Variants in SPATS2 observed in about 807,000 individuals in gnomAD.
SPATS2 encodes spermatogenesis-associated serine-rich protein 2.
SPATS2 carries 38 observed loss-of-function variants against 63.7 expected under a neutral mutation model. The observed-to-expected ratio is 0.60, with a 90% CI of 0.46 to 0.78. The LOEUF is 0.78. Among genes scored for constraint, SPATS2 ranks in the 30% least tolerant of loss-of-function variants. The pLI, the probability that SPATS2 is intolerant of heterozygous loss-of-function variation, is 0.00. For missense variants in SPATS2, 588 were observed against 666.2 expected (o/e 0.88, Z 1.29); for synonymous variants, 207 against 232.9 (o/e 0.89, Z 1.01).
chr12:49,515,705 A>G (rs997870104), intron 10 of SPATS2, among the ~76,000 whole-genome samples: 2 of 152,158 alleles, frequency 1.3e-5, no homozygotes, highest in African/African-American at 4.8e-5. Context: ...CTAAGAAGAC[A>G]TATTTCTTAG....
At chr12:49,398,433 T>C (rs931220999) in intron 2 of SPATS2, among the ~76,000 whole-genome samples, 1 of 152,008 alleles carries the variant, frequency 6.6e-6, no homozygotes, top group Non-Finnish European at 1.5e-5. Context: ...GAAGTCCTAA[T>C]AGAAGGAAGG....
chr12:49,463,801 T>C (rs1461147590), intron 3 of SPATS2, among the ~76,000 whole-genome samples: 4 of 152,244 alleles, frequency 2.6e-5, no homozygotes, highest in Non-Finnish European at 5.9e-5. Flanking sequence ...TATTCAGCAA[T>C]AGACCATGTT....
At chr12:49,486,885 TAGG>T (rs1010345213) in intron 4 of SPATS2, among the ~76,000 whole-genome samples, 3 of 152,086 alleles carry the variant, frequency 2.0e-5, no homozygotes, top group East Asian at 1.9e-4. Flanking sequence ...TGGATGAAAC[TAGG>T]AGATTTTTTT....
At chr12:49,451,952 T>G (rs1440645905) in intron 2 of SPATS2, among the ~76,000 whole-genome samples, 1 of 152,248 alleles carries the variant, frequency 6.6e-6, no homozygotes, top group Non-Finnish European at 1.5e-5. Flanking sequence ...CTTCTTTTGC[T>G]TCTGATGAGA....
At chr12:49,496,747 A>G in intron 7 of SPATS2, 86 bp from the exon 8 acceptor site, 1 of 1,420,572 alleles carries the variant, frequency 7.0e-7, no homozygotes, top group Non-Finnish European at 9.6e-7. Flanking sequence ...TGCCTCAAAC[A>G]TTTTTACCTG....
At chr12:49,406,902 G>A (rs998965814) in intron 2 of SPATS2, among the ~76,000 whole-genome samples, 2 of 152,098 alleles carry the variant, frequency 1.3e-5, no homozygotes, top group Admixed American at 6.6e-5. Context: ...CAATCATAAT[G>A]TAAAATAATA....
At chr12:49,450,393 G>A (rs957351950) in intron 2 of SPATS2, among the ~76,000 whole-genome samples, 1 of 152,040 alleles carries the variant, frequency 6.6e-6, no homozygotes, top group Non-Finnish European at 1.5e-5. Context: ...ACAGGCGCCC[G>A]ACACCATGCC....
At chr12:49,395,157 T>A (rs1421174665) in intron 2 of SPATS2, among the ~76,000 whole-genome samples, 1 of 152,034 alleles carries the variant, frequency 6.6e-6, no homozygotes, top group Admixed American at 6.5e-5. Context: ...AAAATTTTTT[T>A]AATTTAAAGT....
Position 49,496,911 on chromosome 12 carries a change from C to G in SPATS2, c.605C>G (p.Pro202Arg), listed in dbSNP as rs191343457. ...CACTCTATTCACAATTCTCAACAAC[C>G]CAGGAATGCTGCCAAATCTCTCTCA... ...TMHSIHNSQQ[P>R]RNAAKSLSRP... The change falls in exon 8 of 14, where the codon CCC becomes CGC. Residue 202 changes from proline (P) to arginine (R), a missense_variant. Physicochemically the swap from Pro to Arg is moderately radical, Grantham distance 103 (BLOSUM62 -2). Transcript: ENST00000552918. 76 of 1,613,288 alleles carry G rather than the reference C, an allele frequency of 4.7e-5. 1 individual carries two copies. The East Asian group carries it at 1.6e-3, about 34-fold the overall frequency.
chr12:49,403,585 G>A (rs955398511), intron 2 of SPATS2, among the ~76,000 whole-genome samples: 1 of 141,008 alleles, frequency 7.1e-6, no homozygotes, highest in African/African-American at 2.6e-5. Context: ...CCGAGATCAT[G>A]CCACTGTCTA....
At chr12:49,367,138 C>A (rs1402996898), upstream of SPATS2, 2 of 157,826 alleles carry the variant, frequency 1.3e-5, no homozygotes, top group Admixed American at 6.5e-5. Context: ...CGCCCCGCGC[C>A]TCTCCCCGAT....
intron 2 of SPATS2, among the ~76,000 whole-genome samples, chr12:49,391,144 A>T (rs1459514956): frequency 1.3e-5 from 2 of 152,238 alleles, no homozygotes; most frequent in Non-Finnish European, 2.9e-5. Context: ...TTTTTCTTAA[A>T]ACCTTTCAGC....
intron 2 of SPATS2, among the ~76,000 whole-genome samples, chr12:49,443,298 G>T (rs1945456149): frequency 6.6e-6 from 1 of 152,072 alleles, no homozygotes; most frequent in Non-Finnish European, 1.5e-5. Context: ...TTTGTATGTG[G>T]ATATTCAGTT....
chr12:49,498,145 A>AATATATATATATATATATATATAT (rs1555191172), intron 8 of SPATS2, among the ~76,000 whole-genome samples: 66 of 98,942 alleles, frequency 6.7e-4, no homozygotes, highest in Non-Finnish European at 1.0e-3. Flanking sequence ...AAAAAAAAAA[A>AATATATATATATATATATATATAT]ATATATATAT....
At chr12:49,469,553 A>G (rs1184579580) in intron 3 of SPATS2, 3 of 430,822 alleles carry the variant, frequency 7.0e-6, no homozygotes, top group Admixed American at 5.5e-5. Flanking sequence ...AAAAAAAAAA[A>G]AAAAAAAAAA....
rs759718988 is a variant in SPATS2, at chr12:49,526,268, T to G, written c.*13T>G. On this transcript the variant is annotated 3_prime_UTR_variant, in exon 14 of 14. Coordinates refer to ENST00000552918, the MANE Select transcript of SPATS2 (RefSeq NM_023071.4). ...CGTGAACTCTTGAGAGAAAATCCAG[T>G]TGGCCTCTCTCCTCTATCCACACAA... 9 of 1,593,670 alleles carry G rather than the reference T, an allele frequency of 5.6e-6. No homozygotes were observed. The highest frequency in any genetic ancestry group is 7.7e-6 in the Non-Finnish European group (9 of 1,170,138).
At chr12:49,483,094 T>C (rs2137825895) in intron 3 of SPATS2, among the ~76,000 whole-genome samples, 1 of 144,988 alleles carries the variant, frequency 6.9e-6, no homozygotes, top group Admixed American at 7.1e-5. Context: ...CAGCCTTTCC[T>C]TTGTTTTTCT....
intron 3 of SPATS2, chr12:49,462,283 G>A (rs1160340732): frequency 4.3e-6 from 3 of 702,246 alleles, no homozygotes; most frequent in Non-Finnish European, 7.8e-6. Context: ...AGGAAGGAGA[G>A]CGCGAGTGAA....
At chr12:49,485,551 A>G (rs1946277255) in intron 4 of SPATS2, among the ~76,000 whole-genome samples, 2 of 151,880 alleles carry the variant, frequency 1.3e-5, no homozygotes, top group South Asian at 4.2e-4. Context: ...TAGTGGAGAC[A>G]GGGTTTCTCC....
Sources: gnomAD v4.1 joint callset for allele counts (sites outside exome capture counted in the v4.1 genomes callset) on GRCh38, gnomAD v4.1.1 for gene constraint, MANE v1.5 for transcripts, NCBI Gene and HGNC (gene_info 2026-07-23, HGNC 2026-07-21) for gene names.